KAZN: variants seen among roughly 807,000 people sequenced by gnomAD.
KAZN encodes the protein kazrin.
In KAZN, 40 loss-of-function variants were observed where a neutral mutation model predicts 87.4. The observed-to-expected ratio is 0.46, with a 90% CI of 0.36 to 0.60. The LOEUF is 0.60. Ranked by LOEUF, KAZN falls within the 20% of genes least tolerant of loss-of-function variation. The pLI, the probability that KAZN is intolerant of heterozygous loss-of-function variation, is 0.00. For missense variants in KAZN, 898 were observed against 1,073.9 expected, an observed-to-expected ratio of 0.84 and a Z score of 2.29; for synonymous variants, 466 against 458.3, an observed-to-expected ratio of 1.02 and a Z score of -0.22.
chr1:14,360,281 C>T (rs746712966), intron 2 of KAZN, among the ~76,000 whole-genome samples: 1 of 152,158 alleles, frequency 6.6e-6, no homozygotes, highest in East Asian at 1.9e-4. Context: ...CTGTGTTTTT[C>T]AGCTCCATCA....
rs192998136 is a variant in KAZN, at chr1:14,238,878, T to G, written c.249+58286T>G. Among the ~76,000 whole-genome samples the G allele has an allele frequency of 3.2e-4, 49 of 152,344 alleles. 1 individual carries two copies. In the East Asian group the frequency reaches 8.1e-3, roughly 25 times the overall value. On this transcript the variant is annotated intron_variant, in intron 2 of 16. Transcript: ENST00000636203. ...TTTGTTACCCTGGGCAGAGGAACAATGCATTCTTAAGTCTGACTGTTTTAA... is the reference window on the plus strand; with the variant it reads ...TTTGTTACCCTGGGCAGAGGAACAAGGCATTCTTAAGTCTGACTGTTTTAA...
At chr1:14,600,318 C>G (rs1158083911) in intron 1 of KAZN, among the ~76,000 whole-genome samples, 1 of 152,134 alleles carries the variant, frequency 6.6e-6, no homozygotes, top group East Asian at 1.9e-4. Flanking sequence ...ATTTCAAGAG[C>G]TTCTCTTGAG....
chr1:14,238,142 A>G (rs1014288074), intron 2 of KAZN, among the ~76,000 whole-genome samples: 3 of 152,334 alleles, frequency 2.0e-5, no homozygotes, highest in Non-Finnish European at 4.4e-5. Context: ...AGCCATCACC[A>G]CAGTCAATGT....
chr1:14,342,729 C>A (rs1348591241), intron 2 of KAZN, among the ~76,000 whole-genome samples: 1 of 152,198 alleles, frequency 6.6e-6, no homozygotes, highest in African/African-American at 2.4e-5. Flanking sequence ...GATGATGAGA[C>A]AAGAGGCAAG....
At chr1:14,937,219 A>T (rs2101616679) in intron 1 of KAZN, among the ~76,000 whole-genome samples, 1 of 152,316 alleles carries the variant, frequency 6.6e-6, no homozygotes, top group East Asian at 1.9e-4. Flanking sequence ...GCCTGTGTCT[A>T]TGCCCCTTGC....
At chr1:14,421,157 T>G (rs1026669665) in intron 2 of KAZN, among the ~76,000 whole-genome samples, 2 of 152,210 alleles carry the variant, frequency 1.3e-5, no homozygotes, top group Non-Finnish European at 2.9e-5. Flanking sequence ...AGGATGAAAA[T>G]AGTGTGTAAT....
chr1:14,841,753 ATTT>A (rs1032266669), intron 1 of KAZN, among the ~76,000 whole-genome samples: 2 of 152,110 alleles, frequency 1.3e-5, no homozygotes, highest in Admixed American at 6.6e-5. Context: ...CTTGAGAGCC[ATTT>A]TTTTGTACCA....
At position 14,001,025 on chromosome 1, in the gene KAZN, G is replaced by A. The variant is rs369941512; in HGVS notation, c.91+107269G>A. 4.7e-3 allele frequency among the ~76,000 whole-genome samples: 716 copies of A among 151,598 alleles called. 6 individuals are homozygous for A. The highest frequency in any genetic ancestry group is 0.015 in the African/African-American group (600 of 41,312). On this transcript the variant is annotated intron_variant, in intron 1 of 16. Coordinates refer to the KAZN transcript ENST00000636203. ...TCTCGATCTCCTGACCTCGTGATCC[G>A]CCCGCCTCAGCCTCCCAAAGTGCTG...
chr1:14,463,617 T>C (rs1040265818), intron 2 of KAZN, among the ~76,000 whole-genome samples: 2 of 152,166 alleles, frequency 1.3e-5, no homozygotes, highest in African/African-American at 2.4e-5. Flanking sequence ...TTATACTCTC[T>C]CAAGATTTTG....
intron 1 of KAZN, among the ~76,000 whole-genome samples, chr1:14,779,219 C>T (rs1351185979): frequency 1.3e-5 from 2 of 152,340 alleles, no homozygotes; most frequent in Non-Finnish European, 2.9e-5. Context: ...GGGAAACATC[C>T]TTGCAGTCAT....
At chr1:14,041,439 A>T (rs563439977) in intron 1 of KAZN, among the ~76,000 whole-genome samples, 1 of 152,208 alleles carries the variant, frequency 6.6e-6, no homozygotes, top group African/African-American at 2.4e-5. Flanking sequence ...TCAAGTCTTT[A>T]TCTTAGTTTT....
chr1:14,823,466 C>T (rs1327076509), intron 1 of KAZN, among the ~76,000 whole-genome samples: 4 of 152,098 alleles, frequency 2.6e-5, no homozygotes, highest in African/African-American at 7.2e-5. Flanking sequence ...TCCCCACCCC[C>T]ACTCCCAAGT....
At chr1:14,445,667 G>A (rs981309400) in intron 2 of KAZN, among the ~76,000 whole-genome samples, 1 of 152,168 alleles carries the variant, frequency 6.6e-6, no homozygotes, top group Non-Finnish European at 1.5e-5. Flanking sequence ...GGAAAGTGAA[G>A]GCAGTCAGTA....
At chr1:14,393,487 G>C (rs1400771082) in intron 2 of KAZN, among the ~76,000 whole-genome samples, 1 of 152,116 alleles carries the variant, frequency 6.6e-6, no homozygotes, top group Non-Finnish European at 1.5e-5. Context: ...TTGGGGCCAA[G>C]GAAATCAACC....
intron 1 of KAZN, among the ~76,000 whole-genome samples, chr1:14,624,250 GTC>G (rs1678929685): frequency 6.6e-6 from 1 of 152,096 alleles, no homozygotes; most frequent in Non-Finnish European, 1.5e-5. Context: ...GTGAAACCCT[GTC>G]TCTACTAAAA....
At chr1:13,988,275 A>C (rs1223744286) in intron 1 of KAZN, among the ~76,000 whole-genome samples, 3 of 152,228 alleles carry the variant, frequency 2.0e-5, no homozygotes, top group Admixed American at 6.5e-5. Flanking sequence ...TAAGCAGTAA[A>C]TAGTAGAAAT....
At chr1:14,425,784 T>A (rs1230531509) in intron 2 of KAZN, among the ~76,000 whole-genome samples, 1 of 152,134 alleles carries the variant, frequency 6.6e-6, no homozygotes, top group Non-Finnish European at 1.5e-5. Context: ...TCCCATTTTA[T>A]AGGTAAGGAG....
In KAZN at chr1:14,961,429, TGCTTTA is replaced by T. The variant is rs1663852921; in HGVS notation, c.418+556_418+561del. On this transcript the variant is annotated intron_variant, in intron 2 of 14. Coordinates refer to ENST00000376030, the MANE Select transcript of KAZN (RefSeq NM_201628.3). The stretch of plus-strand genomic sequence containing the variant: ...GGCTGGTGTGTCTTCAGCCAGAAAT[TGCTTTA>T]GGAGATGAGGAAACCGCTGTCCACA... Among the ~76,000 whole-genome samples the T allele has an allele frequency of 2.0e-5, 3 of 152,128 alleles. No individual in the cohort carries two copies. The South Asian group carries it at 6.2e-4, about 32-fold the overall frequency.
intron 2 of KAZN, among the ~76,000 whole-genome samples, chr1:14,319,715 C>T (rs1324975092): frequency 1.3e-5 from 2 of 152,168 alleles, no homozygotes; most frequent in Non-Finnish European, 2.9e-5. Context: ...GTTTGTTTCC[C>T]TTGTCTCAGG....
Sources: gnomAD v4.1 joint callset for allele counts (sites outside exome capture counted in the v4.1 genomes callset) on GRCh38, gnomAD v4.1.1 for gene constraint, MANE v1.5 for transcripts, NCBI Gene and HGNC (gene_info 2026-07-23, HGNC 2026-07-21) for gene names.